Variants in ALK observed in about 807,000 individuals in gnomAD.
ALK encodes ALK tyrosine kinase receptor.
ALK carries 74 observed loss-of-function variants against 163.1 expected under a neutral mutation model. That is an observed-to-expected ratio of 0.45 (90% CI 0.38 to 0.55). The LOEUF (loss-of-function observed/expected upper bound fraction) is 0.55. Among genes scored for constraint, ALK ranks in the 20% least tolerant of loss-of-function variants. The pLI is 0.00. For missense variants in ALK, 2,063 were observed against 2,105.3 expected (o/e 0.98, Z 0.39); for synonymous variants, 960 against 843.2 (o/e 1.14, Z -2.40).
intron 3 of ALK, among the ~76,000 whole-genome samples, chr2:29,544,268 C>T (rs569461268): frequency 6.6e-4 from 101 of 152,226 alleles, no homozygotes; most frequent in African/African-American, 2.3e-3. Flanking sequence ...CCGCAGAACA[C>T]CAGCCCCATG....
intron 8 of ALK, among the ~76,000 whole-genome samples, chr2:29,316,789 A>G (rs1666846788): frequency 1.3e-5 from 2 of 152,226 alleles, no homozygotes; most frequent in African/African-American, 4.8e-5. Flanking sequence ...GAATCTATTT[A>G]TTTGTGCTCA....
At chr2:29,778,130 GACA>G (rs1681229794) in intron 1 of ALK, among the ~76,000 whole-genome samples, 1 of 152,198 alleles carries the variant, frequency 6.6e-6, no homozygotes, top group Non-Finnish European at 1.5e-5. Context: ...CTCAGGACAG[GACA>G]ACAAGTCTAG....
intron 3 of ALK, among the ~76,000 whole-genome samples, chr2:29,628,862 G>A (rs1361481918): frequency 6.6e-6 from 1 of 152,208 alleles, no homozygotes; most frequent in Non-Finnish European, 1.5e-5. Context: ...TTCACATACA[G>A]ATTTAGCATG....
At chr2:29,232,823 C>G (rs1280754868) in intron 14 of ALK, among the ~76,000 whole-genome samples, 2 of 152,200 alleles carry the variant, frequency 1.3e-5, no homozygotes, top group Non-Finnish European at 2.9e-5. Context: ...TCTATGCTCT[C>G]TCTCCCTCAT....
intron 1 of ALK, among the ~76,000 whole-genome samples, chr2:29,841,617 G>T (rs1665701770): frequency 6.6e-6 from 1 of 152,178 alleles, no homozygotes; most frequent in African/African-American, 2.4e-5. Flanking sequence ...AGCCTCTGCT[G>T]GGGGCTGCGC....
At chr2:29,873,565 G>A (rs776611724) in intron 1 of ALK, among the ~76,000 whole-genome samples, 9 of 152,154 alleles carry the variant, frequency 5.9e-5, no homozygotes, top group Non-Finnish European at 1.0e-4. Flanking sequence ...AATCAGTGGA[G>A]CAAACCAAGA....
At chr2:29,314,474 C>T (rs944186063) in intron 8 of ALK, among the ~76,000 whole-genome samples, 4 of 151,852 alleles carry the variant, frequency 2.6e-5, no homozygotes, top group Admixed American at 6.6e-5. Flanking sequence ...GGTGTGTGCA[C>T]GCATGTGTGT....
chr2:29,399,752 T>C (rs1251258986), intron 4 of ALK, among the ~76,000 whole-genome samples: 1 of 152,174 alleles, frequency 6.6e-6, no homozygotes, highest in African/African-American at 2.4e-5. Flanking sequence ...GAGGGGCTTA[T>C]ATGTGTGGAG....
intron 3 of ALK, among the ~76,000 whole-genome samples, chr2:29,560,007 A>G (rs1206788829): frequency 6.6e-6 from 1 of 152,218 alleles, no homozygotes; most frequent in Non-Finnish European, 1.5e-5. Flanking sequence ...AAAGATATAT[A>G]AAATATTTCA....
chr2:29,628,514 A>T (rs1676262872), intron 3 of ALK, among the ~76,000 whole-genome samples: 1 of 152,198 alleles, frequency 6.6e-6, no homozygotes, highest in Non-Finnish European at 1.5e-5. Flanking sequence ...GTTTTCTTGG[A>T]CAGAATTCAG....
intron 19 of ALK, 34 bp from the exon 20 acceptor site, chr2:29,223,562 G>A (rs1261154796): frequency 6.2e-7 from 1 of 1,607,768 alleles, no homozygotes; most frequent in Non-Finnish European, 8.5e-7. Flanking sequence ...ACATGGCCTG[G>A]CAGCCTGGCC....
At chr2:29,890,513 C>A (rs528966721) in intron 1 of ALK, 2 of 152,246 alleles carry the variant, frequency 1.3e-5, no homozygotes, top group African/African-American at 2.4e-5. Flanking sequence ...TCAGGCAGAA[C>A]CTCTGTTGAG....
chr2:29,307,466 T>C (rs1023968168), intron 8 of ALK, among the ~76,000 whole-genome samples: 1 of 152,232 alleles, frequency 6.6e-6, no homozygotes, highest in Admixed American at 6.5e-5. Flanking sequence ...GTATTCCCCA[T>C]CCAGTCTCTG....
chr2:29,639,812 C>T (rs1676647826), intron 3 of ALK, among the ~76,000 whole-genome samples: 3 of 152,126 alleles, frequency 2.0e-5, no homozygotes, highest in Non-Finnish European at 2.9e-5. Flanking sequence ...TGTGTCTTTA[C>T]ATAGGGAACA....
chr2:29,785,912 TACACACACACAC>T (rs10524599), intron 1 of ALK, among the ~76,000 whole-genome samples: 5,374 of 146,692 alleles, frequency 0.037, 127 homozygotes, highest in East Asian at 0.083. Flanking sequence ...TTTTTGAGTA[TACACACACACAC>T]ACACACACAC....
chr2:29,478,954 C>A (rs943891397), intron 4 of ALK, among the ~76,000 whole-genome samples: 2 of 110,550 alleles, frequency 1.8e-5, no homozygotes, highest in African/African-American at 2.7e-5. Context: ...TAGTTTCTGG[C>A]CCTGCAAAGA....
intron 3 of ALK, among the ~76,000 whole-genome samples, chr2:29,680,099 CTTG>C (rs1208690926): frequency 6.6e-6 from 1 of 151,776 alleles, no homozygotes; most frequent in African/African-American, 2.4e-5. Context: ...CTATTGTTCT[CTTG>C]TTGTTTAAGA....
chr2:29,682,658 G>A (rs1171408511), intron 3 of ALK, among the ~76,000 whole-genome samples: 2 of 152,132 alleles, frequency 1.3e-5, no homozygotes, highest in Non-Finnish European at 2.9e-5. Context: ...AAGCAATATT[G>A]GATATAAGGG....
intron 1 of ALK, among the ~76,000 whole-genome samples, chr2:29,861,016 A>T (rs529128867): frequency 2.6e-5 from 4 of 152,246 alleles, no homozygotes; most frequent in South Asian, 2.1e-4. Flanking sequence ...ACAAAAAAAT[A>T]AAAAAAGTGG....
Sources: gnomAD v4.1 joint callset for allele counts (sites outside exome capture counted in the v4.1 genomes callset) on GRCh38, gnomAD v4.1.1 for gene constraint, MANE v1.5 for transcripts, NCBI Gene and HGNC (gene_info 2026-07-23, HGNC 2026-07-21) for gene names.